Variants in GXYLT1 observed in about 807,000 individuals in gnomAD.
GXYLT1 encodes glycosyltransferase 8 domain containing 3.
GXYLT1 carries 29 observed loss-of-function variants against 54.0 expected under a neutral mutation model. The observed-to-expected ratio is 0.54, with a 90% CI of 0.40 to 0.73. The LOEUF (loss-of-function observed/expected upper bound fraction) is 0.73, where lower values mean the gene tolerates loss of function less well. GXYLT1 is among the 30% of genes least tolerant of loss of function. GXYLT1 has a pLI of 0.00. For missense variants in GXYLT1, 490 were observed against 553.4 expected (o/e 0.89, Z 1.15); for synonymous variants, 176 against 204.1 (o/e 0.86, Z 1.17).
intron 7 of GXYLT1, among the ~76,000 whole-genome samples, chr12:42,089,786 G>C (rs147290965): frequency 0.011 from 1,734 of 152,314 alleles, 129 homozygotes; most frequent in Admixed American, 0.1. Context: ...TCTGGGGAAA[G>C]TGCTGTATTG....
chr12:42,113,740 G>A lies in GXYLT1; in HGVS notation c.487-4049C>T, dbSNP rs1247707133. On this transcript the variant is annotated intron_variant, in intron 3 of 7. Transcript: ENST00000398675. Reference sequence around the variant, plus strand: ...ATCAACGAGACAGAAAGTTAACAAGGATACCCAGGAATTGAACTCAGCTCT... The same window carrying A: ...ATCAACGAGACAGAAAGTTAACAAGAATACCCAGGAATTGAACTCAGCTCT... Among the ~76,000 whole-genome samples, 355 of 150,788 alleles carry A rather than the reference G, an allele frequency of 2.4e-3. 7 individuals carry two copies. Among genetic ancestry groups the A allele is most frequent in the African/African-American group, 7.9e-3 (317 of 40,210 alleles).
At chr12:42,126,386 T>C (rs973404033) in intron 2 of GXYLT1, among the ~76,000 whole-genome samples, 4 of 151,878 alleles carry the variant, frequency 2.6e-5, no homozygotes, top group African/African-American at 9.7e-5. Flanking sequence ...AGTAGGGAGG[T>C]ACTCAAAAGA....
intron 2 of GXYLT1, among the ~76,000 whole-genome samples, chr12:42,121,515 T>C (rs1442566961): frequency 6.6e-6 from 1 of 152,044 alleles, no homozygotes; most frequent in Non-Finnish European, 1.5e-5. Flanking sequence ...CCTGTACTCC[T>C]AGCTACTTAA....
Position 42,083,272 on chromosome 12 carries a change from GAAAC to G in GXYLT1, c.*4510_*4513del, listed in dbSNP as rs1404029962. On this transcript the variant is annotated 3_prime_UTR_variant, in exon 8 of 8. Transcript: ENST00000398675. ...CCTAGTTTCATGTTTAATGAATTAA[GAAAC>G]AACATCAGAACAGTTTAGCCAGATT... 1.3e-5 allele frequency: 2 copies of G among 151,964 alleles called. No homozygotes were observed. Among genetic ancestry groups the G allele is most frequent in the Non-Finnish European group, 1.5e-5 (1 of 67,964 alleles). 9.4% of individuals were successfully genotyped at this position (151,964 alleles called of 1,614,324 possible). A position where few individuals can be genotyped will look rare whatever the true frequency, so the allele number is the denominator to read the frequency against.
At position 42,144,778 on chromosome 12, in the gene GXYLT1, C is replaced by G. The variant is rs2065673251; in HGVS notation, c.-132G>C. ...GCAGCCGCCGCCGCCGCCTTGCGCC[C>G]GCTCCCTTCCTTCCCTCCCCGCCCA... On this transcript the variant is annotated 5_prime_UTR_variant, in exon 1 of 8. Coordinates refer to ENST00000398675, the MANE Select transcript of GXYLT1 (RefSeq NM_173601.2). 1.7e-6 allele frequency: 1 copy of G among 579,454 alleles called. No homozygotes were observed. The allele number at this position is 579,454 out of a possible 1,614,324, so 35.9% of individuals were successfully genotyped here. A position where few individuals can be genotyped will look rare whatever the true frequency, so the allele number is the denominator to read the frequency against.
At chr12:42,109,122 C>A (rs1314533909) in intron 4 of GXYLT1, among the ~76,000 whole-genome samples, 1 of 152,144 alleles carries the variant, frequency 6.6e-6, no homozygotes, top group African/African-American at 2.4e-5. Context: ...GTATCAGTTA[C>A]AATAGATAAA....
At chr12:42,102,435 A>C (rs1243915989) in intron 5 of GXYLT1, among the ~76,000 whole-genome samples, 3 of 152,168 alleles carry the variant, frequency 2.0e-5, no homozygotes, top group Admixed American at 1.3e-4. Flanking sequence ...AGTATTTTTC[A>C]ATTCATTAAT....
chr12:42,123,710 GATAC>G (rs2065544533), intron 2 of GXYLT1, among the ~76,000 whole-genome samples: 1 of 151,760 alleles, frequency 6.6e-6, no homozygotes, highest in Non-Finnish European at 1.5e-5. Context: ...TATTTAAAGA[GATAC>G]ATAATTAGAC....
chr12:42,111,057 CA>C (rs1221796689), intron 3 of GXYLT1, among the ~76,000 whole-genome samples: 1 of 152,230 alleles, frequency 6.6e-6, no homozygotes, highest in African/African-American at 2.4e-5. Context: ...ATTATATTTT[CA>C]AAGACTCCCA....
chr12:42,100,387 A>G (rs1225363354), intron 5 of GXYLT1, among the ~76,000 whole-genome samples: 1 of 152,176 alleles, frequency 6.6e-6, no homozygotes, highest in Non-Finnish European at 1.5e-5. Flanking sequence ...TTCTCTAGTA[A>G]TCTCTCTTTT....
chr12:42,129,599 CAAT>C (rs1416009730), intron 2 of GXYLT1, among the ~76,000 whole-genome samples, 157 bp downstream of exon 2: 1 of 151,910 alleles, frequency 6.6e-6, no homozygotes, highest in African/African-American at 2.4e-5. Flanking sequence ...TAAAAAATAG[CAAT>C]AACAACTACA....
At chr12:42,089,393 G>C (rs949014087) in intron 7 of GXYLT1, among the ~76,000 whole-genome samples, 1 of 150,992 alleles carries the variant, frequency 6.6e-6, no homozygotes, top group Non-Finnish European at 1.5e-5. Context: ...TGTAAATGAC[G>C]AGTTAATGGG....
chr12:42,129,838 A>G lies in GXYLT1; in HGVS notation c.235T>C (p.Ser79Pro). 2 of 1,611,288 alleles carry G rather than the reference A, an allele frequency of 1.2e-6. No homozygotes were observed. Among genetic ancestry groups the G allele is most frequent in the Non-Finnish European group, 8.5e-7 (1 of 1,177,590 alleles). ...CAATAGGGATTCCAGTAACACAGAG[A>G]GAAATCTTTACACCTAACAGAGTAA... ...PGVSDRCKDFSLCYWNPYWML... is the reference protein window; with the variant it reads ...PGVSDRCKDFPLCYWNPYWML... The change falls in exon 2 of 8, where the codon TCT becomes CCT. Residue 79 changes from serine to proline, a missense_variant. Around this residue, in one of 2 missense-constraint regions of GXYLT1, gnomAD observed 148 missense variants for 210.7 expected, o/e 0.70. Transcript: ENST00000398675.
rs147110359 is a variant in GXYLT1 at position 42,083,725 on chromosome 12, T to C, written c.*4061A>G. 2.9e-3 allele frequency: 439 copies of C among 152,380 alleles called. No homozygotes were observed. The highest frequency in any genetic ancestry group is 9.4e-3 in the African/African-American group (391 of 41,596). The allele number at this position is 152,380 out of a possible 1,614,324, so 9.4% of individuals were successfully genotyped here. ...CTGAGGAATAAATAGGTGTAATTTA[T>C]TGCTTAATTTGCCATCCAAGGCAGG... On this transcript the variant is annotated 3_prime_UTR_variant, in exon 8 of 8. Coordinates refer to ENST00000398675, the MANE Select transcript of GXYLT1 (RefSeq NM_173601.2).
chr12:42,134,175 T>C (rs998070910), intron 1 of GXYLT1, among the ~76,000 whole-genome samples: 1 of 151,674 alleles, frequency 6.6e-6, no homozygotes, highest in African/African-American at 2.4e-5. Flanking sequence ...ACACCAGGTC[T>C]GGGCAACAGA....
Position 42,088,033 on chromosome 12 carries a change from C to A in GXYLT1, c.1162-86G>T, listed in dbSNP as rs2065307317. 5 of 604,748 alleles carry A rather than the reference C, an allele frequency of 8.3e-6. No individual in the cohort carries two copies. The South Asian group carries it at 1.3e-4, about 16-fold the overall frequency. 37.5% of individuals were successfully genotyped at this position (604,748 alleles called of 1,614,324 possible). On this transcript the variant is annotated intron_variant, in intron 7 of 7. Transcript: ENST00000398675. ...CAATTATTTTCCAAACTTCTTCAAT[C>A]AGTTTAATATGAACGATCTCCATTT... is the stretch of plus-strand genomic sequence containing the variant.
chr12:42,121,562 C>T (rs1007699328), intron 2 of GXYLT1, among the ~76,000 whole-genome samples: 3 of 151,866 alleles, frequency 2.0e-5, no homozygotes, highest in Non-Finnish European at 2.9e-5. Flanking sequence ...TCCAGGAGTC[C>T]GACGTTGCAG....
chr12:42,139,716 T>C (rs2065640846), intron 1 of GXYLT1, among the ~76,000 whole-genome samples: 2 of 152,202 alleles, frequency 1.3e-5, no homozygotes, highest in Admixed American at 1.3e-4. Context: ...ATATGTAACG[T>C]AGATACCACT....
intron 1 of GXYLT1, among the ~76,000 whole-genome samples, chr12:42,138,794 G>A (rs1219556569): frequency 6.6e-6 from 1 of 152,122 alleles, no homozygotes; most frequent in African/African-American, 2.4e-5. Flanking sequence ...GCCGAGGCAG[G>A]TGGATCACCT....
Sources: gnomAD v4.1 joint callset for allele counts (sites outside exome capture counted in the v4.1 genomes callset) on GRCh38, gnomAD v4.1.1 for gene constraint, gnomAD v4.1.1 regional missense constraint, MANE v1.5 for transcripts, NCBI Gene and HGNC (gene_info 2026-07-23, HGNC 2026-07-21) for gene names.